AGO2: variants seen among roughly 807,000 people sequenced by gnomAD.
The protein encoded by AGO2 is argonaute RISC catalytic component 2.
Under a neutral mutation model 102.3 loss-of-function variants are expected in AGO2, and 5 were observed. The ratio of observed to expected loss-of-function variants is 0.05; its 90% CI spans 0.03 to 0.10. The LOEUF (loss-of-function observed/expected upper bound fraction) is 0.10, where lower values mean the gene tolerates loss of function less well. AGO2 is among the 10% of genes least tolerant of loss of function. The pLI is 1.00. For synonymous variants in AGO2, 449 were observed against 473.1 expected (o/e 0.95, Z 0.66); for missense variants, 541 against 1,183.7 (o/e 0.46, Z 7.97).
At position 140,522,666 on chromosome 8, in the gene AGO2, AAGAGAGAG is replaced by A. The variant is rs151080112; in HGVS notation, c.*9370_*9377del. 2.3e-5 allele frequency: 3 copies of A among 131,988 alleles called. No individual in the cohort carries two copies. In the South Asian group the frequency reaches 7.7e-4, roughly 34 times the overall value. 8.2% of individuals were successfully genotyped at this position (131,988 alleles called of 1,614,324 possible). On this transcript the variant is annotated 3_prime_UTR_variant, in exon 19 of 19. Transcript: ENST00000220592. ...AGCTATGGCCATAGCCAAGCTAGAC[AAGAGAGAG>A]AGAGAGAGACAGAGACAGAGACAGA...
At chr8:140,583,390 G>A (rs1319384699) in intron 2 of AGO2, among the ~76,000 whole-genome samples, 6 of 152,142 alleles carry the variant, frequency 3.9e-5, no homozygotes, top group South Asian at 2.1e-4. Context: ...ACAGTCATGC[G>A]TGGCTTAACC....
At chr8:140,620,509 C>T (rs925676175) in intron 1 of AGO2, among the ~76,000 whole-genome samples, 1 of 152,180 alleles carries the variant, frequency 6.6e-6, no homozygotes, top group African/African-American at 2.4e-5. Context: ...CATGAGTGTT[C>T]CTTATATCTT....
intron 3 of AGO2, among the ~76,000 whole-genome samples, chr8:140,571,668 G>C (rs2073379217): frequency 6.6e-6 from 1 of 152,246 alleles, no homozygotes; most frequent in African/African-American, 2.4e-5. Flanking sequence ...GTTGTTCCCA[G>C]AGGGAATCAG....
upstream of AGO2, among the ~76,000 whole-genome samples, chr8:140,640,103 G>T (rs570093703): frequency 1.3e-3 from 201 of 152,254 alleles, 1 homozygote; most frequent in Middle Eastern, 6.8e-3. Flanking sequence ...TCGCCTCCTG[G>T]GTTCGAGTGA....
At chr8:140,586,517 G>A (rs1262823566) in intron 1 of AGO2, among the ~76,000 whole-genome samples, 1 of 152,086 alleles carries the variant, frequency 6.6e-6, no homozygotes, top group Non-Finnish European at 1.5e-5. Flanking sequence ...CAAACAAACT[G>A]AGTCCTCAAG....
rs1402889797 is a variant in AGO2, at chr8:140,555,914, G to A, written c.1251C>T (p.Ser417=). The change falls in exon 10 of 19, where the codon TCC becomes TCT. Residue 417 remains serine, a synonymous_variant. Coordinates refer to ENST00000220592, the MANE Select transcript of AGO2 (RefSeq NM_012154.5). ...DVTGRVLQPP[S]ILYGGRNKAI... Reference sequence around the variant, plus strand: ...CACGTACCCTGCCCCCGTAGAGGATGGAGGGCGGCTGCAGCACCCGCCCAG... The same window carrying A: ...CACGTACCCTGCCCCCGTAGAGGATAGAGGGCGGCTGCAGCACCCGCCCAG... 1 of 1,613,984 alleles carries A rather than the reference G, an allele frequency of 6.2e-7. No homozygotes were observed. The highest frequency in any genetic ancestry group is 8.5e-7 in the Non-Finnish European group (1 of 1,180,022).
chr8:140,584,775 G>A lies in AGO2; in HGVS notation c.215+344C>T, dbSNP rs192588341. On this transcript the variant is annotated intron_variant, in intron 2 of 18. Transcript: ENST00000220592. ...TCTATGTGACACACATCAGAATGCC[G>A]TGACTTTAGGGGCTGGGGGTAACCG... Among the ~76,000 whole-genome samples, 564 of 152,238 alleles carry A rather than the reference G, an allele frequency of 3.7e-3. 16 individuals are homozygous for A. The highest frequency in any genetic ancestry group is 0.033 in the Admixed American group (500 of 15,290).
chr8:140,577,364 C>A (rs1055191806), intron 2 of AGO2, among the ~76,000 whole-genome samples: 29 of 152,260 alleles, frequency 1.9e-4, no homozygotes, highest in African/African-American at 5.3e-4. Context: ...TGCCTTGGGG[C>A]AAGGGACAAC....
chr8:140,532,288 T>A, intron 18 of AGO2, 128 bp downstream of exon 18: 1 of 1,390,230 alleles, frequency 7.2e-7, no homozygotes, highest in South Asian at 1.3e-5. Context: ...GCCGTGCCAT[T>A]AACAGGCCTT....
chr8:140,590,241 G>C (rs1447285759), intron 1 of AGO2, among the ~76,000 whole-genome samples: 2 of 152,194 alleles, frequency 1.3e-5, no homozygotes, highest in Non-Finnish European at 2.9e-5. Context: ...CCCCCGGTCT[G>C]ACTCCCAAAC....
intron 14 of AGO2, among the ~76,000 whole-genome samples, chr8:140,543,635 G>A (rs1258267110): frequency 1.3e-5 from 2 of 152,160 alleles, no homozygotes; most frequent in African/African-American, 4.8e-5. Context: ...TTGTAGAGAT[G>A]GGCGTTCGCC....
chr8:140,582,919 C>T lies in AGO2; in HGVS notation c.215+2200G>A, dbSNP rs139540327. On this transcript the variant is annotated intron_variant, in intron 2 of 18. Transcript: ENST00000220592. Reference sequence around the variant, plus strand: ...TGCTGATTTTTAGGTGCCAATGTGTCTAGATTAAAGAATAATCCAGAGAAC... The same window carrying T: ...TGCTGATTTTTAGGTGCCAATGTGTTTAGATTAAAGAATAATCCAGAGAAC... 6.3e-3 allele frequency among the ~76,000 whole-genome samples: 956 copies of T among 152,312 alleles called. 8 individuals are homozygous for T. Among genetic ancestry groups the T allele is most frequent in the Non-Finnish European group, 9.8e-3 (665 of 68,022 alleles).
At position 140,549,202 on chromosome 8, in the gene AGO2, G is replaced by A. The variant is rs755823222; in HGVS notation, c.1500C>T (p.Ser500=). ...CFCKYAQGAD[S]VEPMFRHLKN... is the part of the protein sequence containing the mutation. ...TCAGGTGCCGGAACATGGGCTCCAC[G>A]CTGTCCGCCCCCTGCGCGTATTTGC... Residue 500 remains serine (S), a synonymous_variant, in exon 12 of 19, where the codon AGC becomes AGT. Coordinates refer to ENST00000220592, the MANE Select transcript of AGO2 (RefSeq NM_012154.5). 2 of 1,613,764 alleles carry A rather than the reference G, an allele frequency of 1.2e-6. No homozygotes were observed. Among genetic ancestry groups the A allele is most frequent in the East Asian group, 2.2e-5 (1 of 44,874 alleles).
At chr8:140,559,654 TC>T in intron 5 of AGO2, 125 bp from the exon 6 acceptor site, 2 of 1,301,252 alleles carry the variant, frequency 1.5e-6, no homozygotes, top group South Asian at 2.8e-5. Context: ...GGGTTCTCAC[TC>T]CCTACTGAGG....
chr8:140,559,786 C>A (rs540528562), intron 5 of AGO2, among the ~76,000 whole-genome samples: 9 of 152,358 alleles, frequency 5.9e-5, no homozygotes, highest in Admixed American at 1.3e-4. Flanking sequence ...TAAAGTCACC[C>A]TCCGAGAATG....
chr8:140,617,443 G>T (rs1291950766), intron 1 of AGO2, among the ~76,000 whole-genome samples: 1 of 152,094 alleles, frequency 6.6e-6, no homozygotes, highest in South Asian at 2.1e-4. Flanking sequence ...AGTAGAGACG[G>T]GGTTTCACCA....
chr8:140,559,266 A>C, intron 6 of AGO2, 129 bp downstream of exon 6: 1 of 1,185,080 alleles, frequency 8.4e-7, no homozygotes, highest in Non-Finnish European at 1.2e-6. Flanking sequence ...ACCTCATCTG[A>C]TGGCTACATT....
chr8:140,594,991 T>C (rs1439028480), intron 1 of AGO2, among the ~76,000 whole-genome samples: 1 of 152,202 alleles, frequency 6.6e-6, no homozygotes, highest in African/African-American at 2.4e-5. Flanking sequence ...GTGAGGGATA[T>C]GACTGGATAG....
intron 3 of AGO2, among the ~76,000 whole-genome samples, chr8:140,563,622 G>A (rs2073236593): frequency 6.6e-6 from 1 of 152,184 alleles, no homozygotes; most frequent in African/African-American, 2.4e-5. Flanking sequence ...GGGCAGAGAC[G>A]GGATCTGGAC....
Sources: gnomAD v4.1 joint callset for allele counts (sites outside exome capture counted in the v4.1 genomes callset) on GRCh38, gnomAD v4.1.1 for gene constraint, MANE v1.5 for transcripts, NCBI Gene and HGNC (gene_info 2026-07-23, HGNC 2026-07-21) for gene names.